CCDC7: variants seen among roughly 807,000 people sequenced by gnomAD.
CCDC7 encodes the protein coiled-coil domain-containing protein 7.
In CCDC7, 183 loss-of-function variants were observed where a neutral mutation model predicts 196.9. That is an observed-to-expected ratio of 0.93 (90% confidence interval 0.82 to 1.05). CCDC7 has a LOEUF of 1.05. Among genes scored for constraint, CCDC7 ranks in the 50% least tolerant of loss-of-function variants. The pLI, the probability that CCDC7 is intolerant of heterozygous loss-of-function variation, is 0.00. For missense variants in CCDC7, 1,540 were observed against 1,482.2 expected, an observed-to-expected ratio of 1.04 and a Z score of -0.64; for synonymous variants, 525 against 484.6, an observed-to-expected ratio of 1.08 and a Z score of -1.10.
intron 11 of CCDC7, among the ~76,000 whole-genome samples, chr10:32,528,824 C>T (rs2049168449): frequency 6.9e-6 from 1 of 144,138 alleles, no homozygotes; most frequent in South Asian, 2.2e-4. Context: ...TTTTCTTTAT[C>T]CACTCATCGA....
intron 24 of CCDC7, among the ~76,000 whole-genome samples, chr10:32,702,236 T>A (rs1333433465): frequency 6.6e-6 from 1 of 152,204 alleles, no homozygotes; most frequent in African/African-American, 2.4e-5. Flanking sequence ...TTCTCGTTGG[T>A]TTCAAAGAAC....
chr10:32,775,761 A>G (rs565786133), intron 28 of CCDC7, among the ~76,000 whole-genome samples: 1 of 152,338 alleles, frequency 6.6e-6, no homozygotes, highest in South Asian at 2.1e-4. Context: ...ACATGAATAT[A>G]TGTCTTAAAC....
At chr10:32,624,438 G>C (rs993220161) in intron 18 of CCDC7, among the ~76,000 whole-genome samples, 7 of 152,132 alleles carry the variant, frequency 4.6e-5, no homozygotes, top group Non-Finnish European at 1.0e-4. Context: ...CTGTTCCTTT[G>C]CATTTTAACA....
chr10:32,720,781 G>A (rs756097411), intron 25 of CCDC7, among the ~76,000 whole-genome samples: 1 of 152,062 alleles, frequency 6.6e-6, no homozygotes, highest in Non-Finnish European at 1.5e-5. Flanking sequence ...AGGCTTTTCA[G>A]TATCTCCCCA....
At chr10:32,815,669 A>C (rs965129431) in intron 31 of CCDC7, among the ~76,000 whole-genome samples, 1 of 152,242 alleles carries the variant, frequency 6.6e-6, no homozygotes, top group African/African-American at 2.4e-5. Flanking sequence ...TAAGTAGAAT[A>C]AATACAAATC....
At chr10:32,568,001 T>G in intron 15 of CCDC7, 110 bp downstream of exon 16, 1 of 1,113,534 alleles carries the variant, frequency 9.0e-7, no homozygotes, top group Non-Finnish European at 1.2e-6. Context: ...TGCCTCTGTT[T>G]TTGGGTTTTT....
At chr10:32,668,464 G>A (rs1038277267) in intron 21 of CCDC7, among the ~76,000 whole-genome samples, 1 of 151,964 alleles carries the variant, frequency 6.6e-6, no homozygotes, top group Admixed American at 6.6e-5. Context: ...CAAAGGGAAT[G>A]CTTCCAGTTT....
chr10:32,871,299 A>T, intron 41 of CCDC7, among the ~76,000 whole-genome samples: 1 of 152,004 alleles, frequency 6.6e-6, no homozygotes. Flanking sequence ...GTCTATTCAG[A>T]GATTCAACTT....
At chr10:32,810,336 C>A (rs1055935754) in intron 30 of CCDC7, among the ~76,000 whole-genome samples, 3 of 151,824 alleles carry the variant, frequency 2.0e-5, no homozygotes, top group Non-Finnish European at 4.4e-5. Context: ...ATATTCCATG[C>A]AAACAGAAAA....
chr10:32,739,528 T>C (rs1342476753), intron 28 of CCDC7, among the ~76,000 whole-genome samples: 19 of 152,134 alleles, frequency 1.2e-4, no homozygotes, highest in Non-Finnish European at 2.9e-5. Context: ...TTACGTGTTG[T>C]CCACTTTTTC....
intron 20 of CCDC7, among the ~76,000 whole-genome samples, chr10:32,655,691 G>A (rs978932374): frequency 1.2e-4 from 18 of 151,856 alleles, no homozygotes; most frequent in East Asian, 9.7e-4. Flanking sequence ...CAAGTAGTGC[G>A]TGCCACCATG....
At chr10:32,689,252 C>G in intron 23 of CCDC7, 89 bp downstream of exon 24, 1 of 802,948 alleles carries the variant, frequency 1.2e-6, no homozygotes, top group Non-Finnish European at 2.0e-6. Context: ...AAGTTTTACA[C>G]TTTGACTAAA....
chr10:32,654,064 T>G (rs2069295241), intron 20 of CCDC7, among the ~76,000 whole-genome samples: 1 of 152,206 alleles, frequency 6.6e-6, no homozygotes, highest in Non-Finnish European at 1.5e-5. Flanking sequence ...TTATTTGTCT[T>G]TAATGTCACT....
At chr10:32,881,427 G>A (rs541702630), downstream of CCDC7, among the ~76,000 whole-genome samples, 3 of 152,260 alleles carry the variant, frequency 2.0e-5, no homozygotes, top group East Asian at 5.8e-4. Flanking sequence ...ATTGGGCCAA[G>A]GAATAAGTGG....
chr10:32,769,829 C>T (rs1003368608), intron 28 of CCDC7, among the ~76,000 whole-genome samples: 1 of 152,204 alleles, frequency 6.6e-6, no homozygotes, highest in African/African-American at 2.4e-5. Context: ...TTTATGTCTG[C>T]ATAGTATTCC....
intron 18 of CCDC7, among the ~76,000 whole-genome samples, chr10:32,633,714 G>A (rs1248468437): frequency 6.0e-4 from 85 of 142,852 alleles, no homozygotes; most frequent in African/African-American, 1.3e-3. Flanking sequence ...GTGTGTGTGT[G>A]TGTGTGTGTG....
chr10:32,468,717 C>T (rs1174592646), intron 5 of CCDC7, among the ~76,000 whole-genome samples: 2 of 150,262 alleles, frequency 1.3e-5, no homozygotes, highest in Non-Finnish European at 3.0e-5. Flanking sequence ...GTTATAAGTG[C>T]ACATTACTGG....
rs56089046 is a variant in CCDC7, at chr10:32,619,910, CTTTTTTTTTTTTTTTTTTT to C, written c.1802-14332_1802-14314del. 7.6e-5 allele frequency among the ~76,000 whole-genome samples: 6 copies of C among 79,276 alleles called. No individual in the cohort carries two copies. The East Asian group carries it at 2.8e-3, about 37-fold the overall frequency. The allele number at this position is 79,276 out of a possible 152,430, so 52.0% of individuals were successfully genotyped here. On this transcript the variant is annotated intron_variant, in intron 18 of 41. Coordinates refer to ENST00000639629, the Ensembl canonical transcript of CCDC7. ...CACTGCTCCCAGCCCTTCAATGTAC[CTTTTTTTTTTTTTTTTTTT>C]TTTTTTTTTTTGAGACAGAGTCTTG...
chr10:32,487,076 C>T (rs2041261053), intron 8 of CCDC7, among the ~76,000 whole-genome samples: 1 of 152,128 alleles, frequency 6.6e-6, no homozygotes, highest in Admixed American at 6.5e-5. Context: ...GGATAATATC[C>T]TGAAGAGTGT....
Sources: allele counts gnomAD v4.1 joint callset (sites outside exome capture counted in the v4.1 genomes callset), GRCh38; gene constraint gnomAD v4.1.1; transcripts MANE v1.5; gene names NCBI Gene and HGNC (gene_info 2026-07-23, HGNC 2026-07-21).